Variants in PTPRN2 observed in about 807,000 individuals in gnomAD.
The protein encoded by PTPRN2 is receptor-type tyrosine-protein phosphatase N2.
A neutral mutation model predicts 118.8 loss-of-function variants in PTPRN2; 74 were observed. That is an observed-to-expected ratio of 0.62 (90% CI 0.52 to 0.76). The LOEUF is 0.76. Ranked by LOEUF, PTPRN2 falls within the 30% of genes least tolerant of loss-of-function variation. The probability of loss-of-function intolerance (pLI) is 0.00; values close to 1 mark genes in which losing one functional copy is unlikely to be tolerated. For synonymous variants in PTPRN2, 641 were observed against 608.0 expected (o/e 1.05, Z -0.80); for missense variants, 1,481 against 1,394.4 (o/e 1.06, Z -0.99).
rs1363319231 is a variant in PTPRN2, at chr7:158,003,339, G to A, written c.1723+77959C>T. Among the ~76,000 whole-genome samples the A allele has an allele frequency of 2.7e-5, 4 of 150,228 alleles. No homozygotes were observed. The highest frequency in any genetic ancestry group is 4.0e-4 in the East Asian group (2 of 5,050). On this transcript the variant is annotated intron_variant, in intron 11 of 22. Coordinates refer to ENST00000389418, the MANE Select transcript of PTPRN2 (RefSeq NM_002847.5). This position sits in a 1 kb window ranked among gnomAD's most constrained non-coding sequence, Gnocchi z 5.0. ...TGAGGCAGGAGAATGGCATGAACCT[G>A]GGAGGCGGAGCTTGCAGTGAGCCGA... is the stretch of plus-strand genomic sequence containing the variant.
chr7:158,441,059 G>A (rs368423084), intron 2 of PTPRN2, among the ~76,000 whole-genome samples: 7 of 56,096 alleles, frequency 1.2e-4, no homozygotes, highest in African/African-American at 1.8e-4. Context: ...TGGTAGTGAT[G>A]GGGGTGGTAG....
rs576998448 is a variant in PTPRN2 at position 157,689,071 on chromosome 7, G to A, written c.1789-6134C>T. On this transcript the variant is annotated intron_variant, in intron 12 of 22. Transcript: ENST00000389418. The stretch of plus-strand genomic sequence containing the variant: ...CCCGCGTCCACCCGTGAATCCCGGC[G>A]CTCGCAGCCCCCGGGCGGCGCAGCC... Among the ~76,000 whole-genome samples, 52 of 152,316 alleles carry A rather than the reference G, an allele frequency of 3.4e-4. 1 individual carries two copies. Among genetic ancestry groups the A allele is most frequent in the African/African-American group, 1.2e-3 (51 of 41,580 alleles).
chr7:157,768,513 T>C (rs1802618184), intron 12 of PTPRN2, among the ~76,000 whole-genome samples: 1 of 152,108 alleles, frequency 6.6e-6, no homozygotes, highest in Non-Finnish European at 1.5e-5. Flanking sequence ...GCAACACTTG[T>C]CTTCAAGGAG....
In PTPRN2 at chr7:158,067,647, G is replaced by A. The variant is rs192143062; in HGVS notation, c.1723+13651C>T. Among the ~76,000 whole-genome samples the A allele has an allele frequency of 4.8e-4, 73 of 152,266 alleles. 1 individual carries two copies. Among genetic ancestry groups the A allele is most frequent in the South Asian group, 3.5e-3 (17 of 4,814 alleles). ...GGCTTTGTGGGTCGGGCAGTCCACCGTGACCACGCAGCTCTGCCTGTGGCG... is the reference window on the plus strand; with the variant it reads ...GGCTTTGTGGGTCGGGCAGTCCACCATGACCACGCAGCTCTGCCTGTGGCG... On this transcript the variant is annotated intron_variant, in intron 11 of 22. Coordinates refer to ENST00000389418, the MANE Select transcript of PTPRN2 (RefSeq NM_002847.5).
chr7:158,441,128 G>C (rs1459202098), intron 2 of PTPRN2, among the ~76,000 whole-genome samples: 2 of 150,136 alleles, frequency 1.3e-5, no homozygotes, highest in Admixed American at 6.6e-5. Flanking sequence ...TGATAGTGGT[G>C]ATGGCAGTGG....
intron 6 of PTPRN2, among the ~76,000 whole-genome samples, chr7:158,164,997 A>G (rs4476953): frequency 0.63 from 95,466 of 150,540 alleles, 30,961 homozygotes; most frequent in East Asian, 0.78. Context: ...AGCGTCCAGG[A>G]CCTACGAGAG....
At chr7:158,483,284 T>C (rs1367924893) in intron 2 of PTPRN2, among the ~76,000 whole-genome samples, 1 of 152,242 alleles carries the variant, frequency 6.6e-6, no homozygotes, top group African/African-American at 2.4e-5. Flanking sequence ...TTCCCCACTA[T>C]GGTATATAAA....
chr7:157,760,822 G>T (rs1331614652), intron 12 of PTPRN2, among the ~76,000 whole-genome samples: 1 of 152,108 alleles, frequency 6.6e-6, no homozygotes. Flanking sequence ...GAGACAATGG[G>T]GTTTTCTAGA....
intron 9 of PTPRN2, among the ~76,000 whole-genome samples, chr7:158,114,714 TG>T (rs1467617819): frequency 1.4e-4 from 21 of 152,154 alleles, no homozygotes; most frequent in African/African-American, 2.4e-5. Flanking sequence ...GCCACGGCCC[TG>T]GGGCCTACAT....
At chr7:158,044,666 T>C (rs1312750209) in intron 11 of PTPRN2, among the ~76,000 whole-genome samples, 1 of 151,994 alleles carries the variant, frequency 6.6e-6, no homozygotes, top group Non-Finnish European at 1.5e-5. Flanking sequence ...GGAGAACCCG[T>C]GCTGAAGAGA....
rs943281987 is a variant in PTPRN2 at position 157,610,050 on chromosome 7, A to G, written c.2345-5975T>C. Among the ~76,000 whole-genome samples the G allele has an allele frequency of 6.6e-6, 1 of 152,182 alleles. No homozygotes were observed. The highest frequency in any genetic ancestry group is 1.5e-5 in the Non-Finnish European group (1 of 68,030). On this transcript the variant is annotated intron_variant, in intron 15 of 22. Coordinates refer to ENST00000389418, the MANE Select transcript of PTPRN2 (RefSeq NM_002847.5). This position sits in a 1 kb window ranked among gnomAD's most constrained non-coding sequence, Gnocchi z 5.1. ...TCTGCCCGGAACATCGTCTTGCTAC[A>G]CAGATCCCTGAGGACGGCATTCCCC...
Position 157,648,795 on chromosome 7 carries a change from C to T in PTPRN2, c.2196+7562G>A, listed in dbSNP as rs546633644. Reference sequence around the variant, plus strand: ...GGACCCATTCACTGTGCACTGAACTCGGTGGGTCAGACCCATCCAGCGTGC... The same window carrying T: ...GGACCCATTCACTGTGCACTGAACTTGGTGGGTCAGACCCATCCAGCGTGC... On this transcript the variant is annotated intron_variant, in intron 14 of 22. Transcript: ENST00000389418. 4.9e-5 allele frequency among the ~76,000 whole-genome samples: 7 copies of T among 143,880 alleles called. No individual in the cohort carries two copies. In the South Asian group the frequency reaches 1.7e-3, roughly 34 times the overall value. 94.4% of individuals were successfully genotyped at this position (143,880 alleles called of 152,430 possible).
In PTPRN2 at chr7:158,544,772, G is replaced by A. The variant is rs74925739; in HGVS notation, c.112+42786C>T. 3.3e-5 allele frequency among the ~76,000 whole-genome samples: 5 copies of A among 152,308 alleles called. No homozygotes were observed. The East Asian group carries it at 5.8e-4, about 18-fold the overall frequency. ...ACCCGGGGATACCAAAAGATTGGGTGCCCCTGCTCTAGAGTGAACACAGAA... is the reference window on the plus strand; with the variant it reads ...ACCCGGGGATACCAAAAGATTGGGTACCCCTGCTCTAGAGTGAACACAGAA... On this transcript the variant is annotated intron_variant, in intron 1 of 22. Coordinates refer to ENST00000389418, the MANE Select transcript of PTPRN2 (RefSeq NM_002847.5). The surrounding 1 kb of genome is among the most constrained non-coding windows in gnomAD (Gnocchi z 4.2).
chr7:157,656,742 G>C (rs181965301), intron 13 of PTPRN2, among the ~76,000 whole-genome samples, 191 bp from the exon 14 acceptor site: 1 of 152,018 alleles, frequency 6.6e-6, no homozygotes, highest in South Asian at 2.1e-4. Flanking sequence ...CGCCCAGCAC[G>C]GTGACCCGAG....
chr7:158,095,726 G>A (rs1015498021), intron 10 of PTPRN2, among the ~76,000 whole-genome samples: 3 of 152,196 alleles, frequency 2.0e-5, no homozygotes, highest in Non-Finnish European at 4.4e-5. Flanking sequence ...CCTTCAAGGA[G>A]CGTAGGAGTG....
chr7:158,299,604 AT>A (rs548252339), intron 3 of PTPRN2, among the ~76,000 whole-genome samples: 54 of 151,900 alleles, frequency 3.6e-4, no homozygotes, highest in Admixed American at 1.2e-3. Context: ...CCAGGAAGCA[AT>A]TTTTTTTAGC....
At chr7:157,576,523 C>A (rs1585052893) in intron 19 of PTPRN2, 90 bp downstream of exon 19, 7 of 1,323,100 alleles carry the variant, frequency 5.3e-6, no homozygotes, top group Non-Finnish European at 5.0e-6. Flanking sequence ...CGGCCCTCGG[C>A]GCCAGGGGCG....
chr7:158,441,483 G>GGCA (rs1342326293), intron 2 of PTPRN2, among the ~76,000 whole-genome samples: 6 of 144,624 alleles, frequency 4.1e-5, no homozygotes, highest in African/African-American at 1.7e-4. Flanking sequence ...TGGCAGTGGT[G>GGCA]GTGATGGTGA....
At chr7:158,331,693 T>G (rs1176344078) in intron 2 of PTPRN2, among the ~76,000 whole-genome samples, 1 of 137,762 alleles carries the variant, frequency 7.3e-6, no homozygotes, top group African/African-American at 2.9e-5. Context: ...AGGTGACACT[T>G]GCAGACGTCA....
Sources: allele counts gnomAD v4.1 joint callset (sites outside exome capture counted in the v4.1 genomes callset), GRCh38; gene constraint gnomAD v4.1.1; non-coding constraint Gnocchi (gnomAD v3.1); transcripts MANE v1.5; gene names NCBI Gene and HGNC (gene_info 2026-07-23, HGNC 2026-07-21).